COL12A1: variants seen among roughly 807,000 people sequenced by gnomAD.
COL12A1 encodes the protein collagen type XII alpha 1 chain.
A neutral mutation model predicts 349.7 loss-of-function variants in COL12A1; 114 were observed. That is an observed-to-expected ratio of 0.33 (90% CI 0.28 to 0.38). The LOEUF (loss-of-function observed/expected upper bound fraction) is 0.38, where lower values mean the gene tolerates loss of function less well. Among genes scored for constraint, COL12A1 ranks in the 10% least tolerant of loss-of-function variants. COL12A1 has a pLI of 1.00. For synonymous variants in COL12A1, 1,369 were observed against 1,329.0 expected (o/e 1.03, Z -0.66); for missense variants, 3,284 against 3,756.9 (o/e 0.87, Z 3.29).
intron 13 of COL12A1, among the ~76,000 whole-genome samples, chr6:75,172,423 C>A (rs984289712): frequency 1.3e-5 from 2 of 152,216 alleles, no homozygotes; most frequent in Admixed American, 1.3e-4. Flanking sequence ...CTAAAAGGCA[C>A]AACCAGAAGA....
intron 25 of COL12A1, 74 bp downstream of exon 25, chr6:75,145,252 T>C: frequency 7.7e-7 from 1 of 1,291,668 alleles, no homozygotes; most frequent in Non-Finnish European, 1.0e-6. Flanking sequence ...ATTGTTAGCA[T>C]CACATGAAAT....
intron 8 of COL12A1, among the ~76,000 whole-genome samples, chr6:75,186,574 A>G (rs948499751): frequency 2.6e-5 from 4 of 152,152 alleles, no homozygotes; most frequent in African/African-American, 9.7e-5. Context: ...TCCTCAAAGA[A>G]CTAAGAACAG....
At chr6:75,092,192 T>C (rs1767803330) in intron 60 of COL12A1, among the ~76,000 whole-genome samples, 2 of 151,974 alleles carry the variant, frequency 1.3e-5, no homozygotes, top group Admixed American at 6.6e-5. Flanking sequence ...CACAGGCCTG[T>C]TGGGGGGTCA....
intron 13 of COL12A1, among the ~76,000 whole-genome samples, chr6:75,169,367 C>T (rs573709450): frequency 2.8e-4 from 42 of 152,252 alleles, no homozygotes; most frequent in African/African-American, 9.9e-4. Flanking sequence ...GCCAGAAGAC[C>T]AGTCTGTAGG....
At chr6:75,136,763 T>C (rs992878193) in intron 31 of COL12A1, among the ~76,000 whole-genome samples, 1 of 152,094 alleles carries the variant, frequency 6.6e-6, no homozygotes, top group African/African-American at 2.4e-5. Context: ...AATTACATAG[T>C]TCACAAAAGG....
chr6:75,143,933 C>T (rs769792419), intron 25 of COL12A1, among the ~76,000 whole-genome samples: 1 of 152,102 alleles, frequency 6.6e-6, no homozygotes, highest in Non-Finnish European at 1.5e-5. Flanking sequence ...CATAACTTTC[C>T]ATTATAAAAG....
chr6:75,188,505 T>C lies in COL12A1; in HGVS notation c.854A>G (p.Lys285Arg), dbSNP rs1377943086. Residue 285 changes from lysine to arginine, a missense_variant, in exon 8 of 66, where the codon AAA becomes AGA. This residue lies in a region of COL12A1 where 2,601 missense variants were observed against 2,824.8 expected (regional missense o/e 0.92). Coordinates refer to ENST00000322507, the MANE Select transcript of COL12A1 (RefSeq NM_004370.6). ...CAGTGAAGGTGTGGAGGCAATTTGT[T>C]TGAGTTCTTTTGCATCTGCAGCTTT... ...GIKAADAKELKQIASTPSLNH... is the reference protein window; with the variant it reads ...GIKAADAKELRQIASTPSLNH... 6.2e-7 allele frequency: 1 copy of C among 1,613,196 alleles called. No individual in the cohort carries two copies. Among genetic ancestry groups the C allele is most frequent in the Non-Finnish European group, 8.5e-7 (1 of 1,179,522 alleles).
Position 75,189,655 on chromosome 6 carries a change from G to A in COL12A1, c.555C>T (p.Ser185=). ...AGTTAAATTCAGTCCTGGTATCAGA[G>A]CTGTATTGAACAACTCCAACTCTTG... ...EKTRVGVVQY[S]SDTRTEFNLN... The change falls in exon 6 of 66, where the codon AGC becomes AGT. Residue 185 remains serine (S), a synonymous_variant. Coordinates refer to ENST00000322507, the MANE Select transcript of COL12A1 (RefSeq NM_004370.6). 6.2e-7 allele frequency: 1 copy of A among 1,613,350 alleles called. No homozygotes were observed. The highest frequency in any genetic ancestry group is 8.5e-7 in the Non-Finnish European group (1 of 1,179,474).
In COL12A1 at chr6:75,194,029, A is replaced by G. The variant is rs900113812; in HGVS notation, c.190+802T>C. ...CTTTGCTATTGTGAATAAGTGCCAC[A>G]ATGAACATACGTGTGCATGTGTCTT... On this transcript the variant is annotated intron_variant, in intron 3 of 65. Coordinates refer to ENST00000322507, the MANE Select transcript of COL12A1 (RefSeq NM_004370.6). 3.9e-5 allele frequency among the ~76,000 whole-genome samples: 6 copies of G among 152,266 alleles called. No individual in the cohort carries two copies. In the East Asian group the frequency reaches 1.2e-3, roughly 29 times the overall value.
chr6:75,091,518 G>A lies in COL12A1; in HGVS notation c.8657C>T (p.Ser2886Phe), dbSNP rs766635702. The A allele has an allele frequency of 3.1e-6, 5 of 1,611,606 alleles. No homozygotes were observed. The highest frequency in any genetic ancestry group is 2.5e-6 in the Non-Finnish European group (3 of 1,179,410). The part of the protein sequence containing the change: ...KPGDHGRPGP[S>F]GLKGEKGDRG... ...ATCACCTTTTTCTCCTTTCAACCCA[G>A]ATGGACCCTGAAAAATATGAATTAC... Residue 2886 changes from serine (S) to phenylalanine (F), a missense_variant, in exon 61 of 66, where the codon TCT becomes TTT. Physicochemically the swap from Ser to Phe is radical, Grantham distance 155. Transcript: ENST00000322507.
intron 37 of COL12A1, 85 bp downstream of exon 37, chr6:75,130,006 C>G: frequency 1.3e-6 from 2 of 1,489,730 alleles, no homozygotes; most frequent in Non-Finnish European, 1.8e-6. Context: ...CAACCGTACT[C>G]ACAGCATACC....
chr6:75,129,781 A>T (rs1766211776), intron 37 of COL12A1, among the ~76,000 whole-genome samples: 1 of 152,208 alleles, frequency 6.6e-6, no homozygotes, highest in African/African-American at 2.4e-5. Flanking sequence ...TAGGTATCAC[A>T]TTTCACTAAA....
In COL12A1 at chr6:75,126,468, C is replaced by T. The variant is rs1766019017; in HGVS notation, c.6343G>A (p.Gly2115Arg). The change falls in exon 39 of 66, where the codon GGA becomes AGA. Residue 2115 changes from glycine (G) to arginine (R), a missense_variant and splice_region_variant. By Grantham distance (125) the Gly-to-Arg change is moderately radical. Around this residue, in one of 2 missense-constraint regions of COL12A1, gnomAD observed 2,601 missense variants for 2,824.8 expected, o/e 0.92. Coordinates refer to ENST00000322507, the MANE Select transcript of COL12A1 (RefSeq NM_004370.6). ...GHLTGNGRTV[G>R]LLPPQNIHIS... ...TGTATGTTCTGAGGAGGAAGGAGTC[C>T]CACTGAAAACAAACATTGACACACA... 1.9e-6 allele frequency: 3 copies of T among 1,608,500 alleles called. No homozygotes were observed. The highest frequency in any genetic ancestry group is 1.7e-5 in the Admixed American group (1 of 59,846).
At chr6:75,177,526 TA>T in intron 12 of COL12A1, 136 bp downstream of exon 12, 1 of 1,001,752 alleles carries the variant, frequency 1.0e-6, no homozygotes, top group Non-Finnish European at 1.4e-6. Context: ...AACTTAAATC[TA>T]AAAGGACTAT....
At chr6:75,153,781 C>T (rs1767613713) in intron 17 of COL12A1, among the ~76,000 whole-genome samples, 1 of 152,046 alleles carries the variant, frequency 6.6e-6, no homozygotes, top group South Asian at 2.1e-4. Context: ...GCTTTATGTT[C>T]ATAAAGGCTG....
At chr6:75,133,790 G>A (rs1288180665) in intron 33 of COL12A1, 68 bp downstream of exon 33, 1 of 1,574,876 alleles carries the variant, frequency 6.3e-7, no homozygotes, top group Non-Finnish European at 8.7e-7. Flanking sequence ...AACTCCTTCA[G>A]TTCCACTTTT....
Position 75,091,520 on chromosome 6 carries a change from T to A in COL12A1, c.8655A>T (p.Pro2885=). 1 of 1,611,834 alleles carries A rather than the reference T, an allele frequency of 6.2e-7. No individual in the cohort carries two copies. The highest frequency in any genetic ancestry group is 1.1e-5 in the South Asian group (1 of 90,982). ...GKPGDHGRPG[P]SGLKGEKGDR... ...CACCTTTTTCTCCTTTCAACCCAGATGGACCCTGAAAAATATGAATTACAT... is the reference window on the plus strand; with the variant it reads ...CACCTTTTTCTCCTTTCAACCCAGAAGGACCCTGAAAAATATGAATTACAT... The change falls in exon 61 of 66, where the codon CCA becomes CCT. Residue 2885 remains proline (P), a synonymous_variant. Coordinates refer to ENST00000322507, the MANE Select transcript of COL12A1 (RefSeq NM_004370.6).
chr6:75,158,018 TAA>T (rs920744287), intron 14 of COL12A1, among the ~76,000 whole-genome samples: 39 of 152,192 alleles, frequency 2.6e-4, no homozygotes, highest in African/African-American at 7.9e-4. Flanking sequence ...GAATAAAACT[TAA>T]GAGTATTTAT....
Position 75,183,397 on chromosome 6 carries a change from C to A in COL12A1, c.1544G>T (p.Gly515Val). 1 of 1,614,174 alleles carries A rather than the reference C, an allele frequency of 6.2e-7. No homozygotes were observed. The highest frequency in any genetic ancestry group is 8.5e-7 in the Non-Finnish European group (1 of 1,180,038). ...EAINTFPYRG[G>V]STNTGKAMTY... Reference sequence around the variant, plus strand: ...CATTGCTTTGCCAGTATTTGTAGATCCTCCTCTGTAAGGGAAGGTGTTTAT... The same window carrying A: ...CATTGCTTTGCCAGTATTTGTAGATACTCCTCTGTAAGGGAAGGTGTTTAT... Residue 515 changes from glycine to valine, a missense_variant, in exon 10 of 66, where the codon GGA (glycine) becomes GTA (valine). Coordinates refer to ENST00000322507, the MANE Select transcript of COL12A1 (RefSeq NM_004370.6).
Sources: allele counts gnomAD v4.1 joint callset (sites outside exome capture counted in the v4.1 genomes callset), GRCh38; gene constraint gnomAD v4.1.1; regional missense constraint gnomAD v4.1.1; transcripts MANE v1.5; gene names NCBI Gene and HGNC (gene_info 2026-07-23, HGNC 2026-07-21).